Variants in HDX observed in about 807,000 individuals in gnomAD.
HDX encodes the protein highly divergent homeobox, also known as chromosome X open reading frame 43.
Under a neutral mutation model 45.2 loss-of-function variants are expected in HDX, and 19 were observed. That is an observed-to-expected ratio of 0.42 (90% CI 0.29 to 0.62). The LOEUF is 0.62. Among genes scored for constraint, HDX ranks in the 20% least tolerant of loss-of-function variants. The pLI is 0.20. For missense variants in HDX, 532 were observed against 493.9 expected, an observed-to-expected ratio of 1.08 and a Z score of -0.73; for synonymous variants, 188 against 172.8, an observed-to-expected ratio of 1.09 and a Z score of -0.69.
At chrX:84,322,182 A>G (rs1602242228) in intron 10 of HDX, among the ~76,000 whole-genome samples, 168 bp from the exon 11 acceptor site, 1 of 110,963 alleles carries the variant, frequency 9.0e-6, no homozygotes, top group African/African-American at 3.3e-5. Context: ...TTCTTCATAC[A>G]TTATTCAGAA....
chrX:84,497,730 CGT>C (rs751001968), intron 1 of HDX, among the ~76,000 whole-genome samples: 1,124 of 104,401 alleles, frequency 0.011, 22 homozygotes, highest in African/African-American at 0.037. Flanking sequence ...TTTACATATA[CGT>C]GTGTGTGTGT....
intron 5 of HDX, among the ~76,000 whole-genome samples, chrX:84,412,877 G>A (rs2039019937): frequency 9.0e-6 from 1 of 111,581 alleles, no homozygotes; most frequent in Admixed American, 9.5e-5. Flanking sequence ...TATTTTATTT[G>A]CGATTATTCG....
In HDX at chrX:84,374,440, C is replaced by A. The variant is rs746533767; in HGVS notation, c.1306-12828G>T. On this transcript the variant is annotated intron_variant, in intron 5 of 10. Coordinates refer to ENST00000373177, the MANE Select transcript of HDX (RefSeq NM_001177479.2). ...AGTTCATATGGAACCAAAAAAGAGC[C>A]TGCATAGCCAAGACAATCCTAAGCC... is the stretch of plus-strand genomic sequence containing the variant. Among the ~76,000 whole-genome samples, 331 of 110,728 alleles carry A rather than the reference C, an allele frequency of 3.0e-3. 1 individual carries two copies. Among genetic ancestry groups the A allele is most frequent in the African/African-American group, 0.011 (326 of 30,298 alleles).
intron 5 of HDX, among the ~76,000 whole-genome samples, chrX:84,432,804 A>G (rs1279407904): frequency 9.1e-6 from 1 of 110,442 alleles, no homozygotes; most frequent in African/African-American, 3.3e-5. Flanking sequence ...TCCTACTTGG[A>G]TGGTTTTTAT....
At chrX:84,399,234 A>C (rs760765797) in intron 5 of HDX, among the ~76,000 whole-genome samples, 1 of 109,085 alleles carries the variant, frequency 9.2e-6, no homozygotes, top group Non-Finnish European at 1.9e-5. Flanking sequence ...CAACTGAAGG[A>C]GATAGAGACA....
intron 5 of HDX, among the ~76,000 whole-genome samples, chrX:84,389,863 C>T (rs1450239657): frequency 9.0e-6 from 1 of 110,924 alleles, no homozygotes; most frequent in African/African-American, 3.3e-5. Context: ...CCCAGACCAG[C>T]TCACATGTCT....
intron 6 of HDX, among the ~76,000 whole-genome samples, chrX:84,347,719 G>T (rs1186051193): frequency 9.0e-6 from 1 of 110,838 alleles, no homozygotes; most frequent in East Asian, 2.9e-4. Context: ...CAGAATTCTG[G>T]GTTGGTATTG....
intron 5 of HDX, among the ~76,000 whole-genome samples, chrX:84,390,165 C>T (rs2038410834): frequency 9.0e-6 from 1 of 110,516 alleles, no homozygotes; most frequent in Admixed American, 9.7e-5. Context: ...TTGGTTGCAT[C>T]TAGTTGACCA....
chrX:84,381,078 C>T (rs2038177064), intron 5 of HDX, among the ~76,000 whole-genome samples: 1 of 110,553 alleles, frequency 9.0e-6, no homozygotes, highest in Non-Finnish European at 1.9e-5. Flanking sequence ...AGTGAACAAT[C>T]TGAATAAGAA....
intron 4 of HDX, among the ~76,000 whole-genome samples, chrX:84,456,308 T>C (rs760834852): frequency 9.0e-6 from 1 of 111,626 alleles, no homozygotes; most frequent in Non-Finnish European, 1.9e-5. Context: ...CAATGTTAAG[T>C]TGTCATCAGT....
intron 5 of HDX, among the ~76,000 whole-genome samples, chrX:84,388,615 T>C (rs1239469131): frequency 8.9e-6 from 1 of 112,234 alleles, no homozygotes; most frequent in Non-Finnish European, 1.9e-5. Flanking sequence ...CAGATTGTAA[T>C]GTGAAATTCT....
At chrX:84,445,520 G>A (rs974480394) in intron 4 of HDX, among the ~76,000 whole-genome samples, 1 of 110,062 alleles carries the variant, frequency 9.1e-6, no homozygotes, top group Admixed American at 9.8e-5. Flanking sequence ...GAATTAACTT[G>A]GGCATTTATT....
At chrX:84,493,844 A>G (rs780959509) in intron 1 of HDX, among the ~76,000 whole-genome samples, 35 of 111,537 alleles carry the variant, frequency 3.1e-4, no homozygotes, top group Non-Finnish European at 5.8e-4. Flanking sequence ...ATTTTAAAAT[A>G]ACTAAAAAAG....
At chrX:84,333,019 A>C (rs2036877525) in intron 9 of HDX, among the ~76,000 whole-genome samples, 1 of 111,458 alleles carries the variant, frequency 9.0e-6, no homozygotes. Context: ...AACATTACTA[A>C]TCTCTGCTTT....
intron 5 of HDX, among the ~76,000 whole-genome samples, chrX:84,422,787 G>A (rs1422588337): frequency 2.0e-5 from 2 of 101,192 alleles, no homozygotes; most frequent in Non-Finnish European, 3.9e-5. Context: ...TCCTGCCTCA[G>A]CCTCCCGAGT....
At chrX:84,483,853 C>T (rs1407991464) in intron 2 of HDX, among the ~76,000 whole-genome samples, 1 of 111,617 alleles carries the variant, frequency 9.0e-6, no homozygotes, top group Non-Finnish European at 1.9e-5. Context: ...TAAATCATAT[C>T]TCTCAAGTTC....
At chrX:84,408,153 T>C (rs2038878692) in intron 5 of HDX, among the ~76,000 whole-genome samples, 1 of 111,632 alleles carries the variant, frequency 9.0e-6, no homozygotes, top group African/African-American at 3.3e-5. Flanking sequence ...ATAGGATATC[T>C]TCCAGGGTTT....
chrX:84,378,262 A>T (rs930768272), intron 5 of HDX, among the ~76,000 whole-genome samples: 2 of 112,047 alleles, frequency 1.8e-5, no homozygotes, highest in African/African-American at 6.5e-5. Flanking sequence ...TAAAGGGAGT[A>T]CTTCAATCAG....
rs1279009964 is a variant in HDX at position 84,440,605 on chromosome X, A to C, written c.1252-20T>G. ...TGAAATCTGTGAAAACAATAAATGG[A>C]ATCTCAGTAAGCTATTTATTGACAG... On this transcript the variant is annotated intron_variant, in intron 4 of 10. Transcript: ENST00000373177. 2.8e-6 allele frequency: 3 copies of C among 1,067,947 alleles called. No individual in the cohort carries two copies. The highest frequency in any genetic ancestry group is 3.9e-6 in the Non-Finnish European group (3 of 769,679). 88.0% of individuals were successfully genotyped at this position (1,067,947 alleles called of 1,213,427 possible).
Sources: gnomAD v4.1 joint callset for allele counts (sites outside exome capture counted in the v4.1 genomes callset) on GRCh38, gnomAD v4.1.1 for gene constraint, MANE v1.5 for transcripts, NCBI Gene and HGNC (gene_info 2026-07-23, HGNC 2026-07-21) for gene names.